WDR20: variants seen among roughly 807,000 people sequenced by gnomAD.
WDR20 encodes the protein WD repeat-containing protein 20.
WDR20 carries 3 observed loss-of-function variants against 38.7 expected under a neutral mutation model. That is an observed-to-expected ratio of 0.08 (90% CI 0.04 to 0.20). The LOEUF (loss-of-function observed/expected upper bound fraction) is 0.20. Ranked by LOEUF, WDR20 falls within the 10% of genes least tolerant of loss-of-function variation. The pLI is 1.00. For synonymous variants in WDR20, 298 were observed against 285.6 expected, an observed-to-expected ratio of 1.04 and a Z score of -0.44; for missense variants, 559 against 727.7, an observed-to-expected ratio of 0.77 and a Z score of 2.67.
At chr14:102,165,149 G>A (rs2059504848) in intron 1 of WDR20, among the ~76,000 whole-genome samples, 1 of 151,970 alleles carries the variant, frequency 6.6e-6, no homozygotes, top group Admixed American at 6.6e-5. Context: ...TGGAACTGTG[G>A]CTCTCCCCTC....
rs746069335 is a variant in WDR20 at position 102,209,950 on chromosome 14, A to C, written c.*70A>C. On this transcript the variant is annotated 3_prime_UTR_variant, in exon 3 of 3. Transcript: ENST00000342702. The surrounding 1 kb of genome is among the most constrained non-coding windows in gnomAD (Gnocchi z 6.0). ...TTTTCGTGGGAGGGGTGGGGTGTAC[A>C]ATGAATGTGAATGACACTTCTTATT... The C allele has an allele frequency of 1.5e-4, 233 of 1,506,592 alleles. 1 individual carries two copies. The highest frequency in any genetic ancestry group is 1.7e-4 in the Non-Finnish European group (198 of 1,136,282). The allele number at this position is 1,506,592 out of a possible 1,614,324, so 93.3% of individuals were successfully genotyped here.
chr14:102,148,409 G>A (rs1320134312), intron 1 of WDR20, among the ~76,000 whole-genome samples: 1 of 151,944 alleles, frequency 6.6e-6, no homozygotes, highest in South Asian at 2.1e-4. Context: ...GTGTGGTGGT[G>A]CACGCCTGTG....
In WDR20 at chr14:102,208,574, T is replaced by G. The variant is rs767678839; in HGVS notation, c.433-29T>G. ...GTAGACCTTTGAGACTTCTCCGTTG[T>G]GCTAACTTGTTCTCCTTTGTCTTCA... On this transcript the variant is annotated intron_variant, in intron 2 of 2. Transcript: ENST00000342702. The surrounding 1 kb of genome is among the most constrained non-coding windows in gnomAD (Gnocchi z 5.6). 7 of 1,570,480 alleles carry G rather than the reference T, an allele frequency of 4.5e-6. No individual in the cohort carries two copies. The highest frequency in any genetic ancestry group is 6.1e-6 in the Non-Finnish European group (7 of 1,155,440).
At position 102,208,782 on chromosome 14, in the gene WDR20, C is replaced by G. The variant is rs765466160; in HGVS notation, c.612C>G (p.Cys204Trp). The change falls in exon 3 of 3, where the codon TGC becomes TGG. Residue 204 changes from cysteine to tryptophan, a missense_variant. Coordinates refer to ENST00000342702, the MANE Select transcript of WDR20 (RefSeq NM_144574.4). This position sits in a 1 kb window ranked among gnomAD's most constrained non-coding sequence, Gnocchi z 5.6. Reference protein sequence around the residue: ...KQGESFAVHTCKSKSTRNPLL... With the variant: ...KQGESFAVHTWKSKSTRNPLL... The stretch of plus-strand genomic sequence containing the variant: ...GAGAGAGCTTTGCCGTGCACACTTG[C>G]AAGAGCAAATCCACGAGGAACCCTC... 5.0e-6 allele frequency: 8 copies of G among 1,614,130 alleles called. No homozygotes were observed. The South Asian group carries it at 6.6e-5, about 13-fold the overall frequency.
chr14:102,190,888 C>G (rs1046257134), intron 1 of WDR20, among the ~76,000 whole-genome samples: 1 of 151,872 alleles, frequency 6.6e-6, no homozygotes, highest in Non-Finnish European at 1.5e-5. Flanking sequence ...GTAATCCCAG[C>G]TGCTGAGGAG....
intron 2 of WDR20, among the ~76,000 whole-genome samples, chr14:102,199,898 A>AAAGCAT (rs1416147562): frequency 6.6e-6 from 1 of 152,254 alleles, no homozygotes; most frequent in African/African-American, 2.4e-5. Flanking sequence ...AGAAGGTAGG[A>AAAGCAT]AAGCATCACC....
At chr14:102,204,851 G>GCA (rs1308288929) in intron 2 of WDR20, among the ~76,000 whole-genome samples, 1 of 152,216 alleles carries the variant, frequency 6.6e-6, no homozygotes, top group Non-Finnish European at 1.5e-5. Flanking sequence ...CATCAGTGGG[G>GCA]CACTTCCACA....
intron 1 of WDR20, among the ~76,000 whole-genome samples, chr14:102,186,151 T>C (rs1415050214): frequency 6.6e-6 from 1 of 152,260 alleles, no homozygotes; most frequent in Non-Finnish European, 1.5e-5. Context: ...TTAGGCTCTT[T>C]ACATACTGTT....
At chr14:102,188,397 G>T (rs570174918) in intron 1 of WDR20, among the ~76,000 whole-genome samples, 1 of 152,296 alleles carries the variant, frequency 6.6e-6, no homozygotes, top group East Asian at 1.9e-4. Flanking sequence ...CCACTCAGCA[G>T]CATTCCTGAG....
intron 1 of WDR20, among the ~76,000 whole-genome samples, chr14:102,145,171 T>G (rs1049522235): frequency 6.6e-6 from 1 of 152,208 alleles, no homozygotes; most frequent in African/African-American, 2.4e-5. Context: ...TGTGTACTTG[T>G]TGAGTGAATG....
At chr14:102,152,837 T>G (rs1484887391) in intron 1 of WDR20, among the ~76,000 whole-genome samples, 1 of 152,206 alleles carries the variant, frequency 6.6e-6, no homozygotes, top group African/African-American at 2.4e-5. Context: ...ATAAAACTAA[T>G]AAGCCATTGT....
chr14:102,181,102 A>G (rs1304911491), intron 1 of WDR20, among the ~76,000 whole-genome samples: 2 of 152,086 alleles, frequency 1.3e-5, no homozygotes, highest in East Asian at 3.8e-4. Flanking sequence ...TGTCTCCTGA[A>G]GAAGGCTGGC....
chr14:102,150,435 T>G (rs1227041069), intron 1 of WDR20, among the ~76,000 whole-genome samples: 1 of 152,164 alleles, frequency 6.6e-6, no homozygotes, highest in Admixed American at 6.5e-5. Flanking sequence ...ATTGAGCCAC[T>G]GCACTCCAGC....
At chr14:102,192,155 A>T (rs1160426790) in intron 1 of WDR20, among the ~76,000 whole-genome samples, 7 of 152,080 alleles carry the variant, frequency 4.6e-5, no homozygotes, top group Non-Finnish European at 1.0e-4. Context: ...TAGAATAAAC[A>T]GGATATTTTT....
At chr14:102,162,264 C>T (rs1243665797) in intron 1 of WDR20, among the ~76,000 whole-genome samples, 1 of 152,138 alleles carries the variant, frequency 6.6e-6, no homozygotes, top group Non-Finnish European at 1.5e-5. Flanking sequence ...ATTGAGTGCA[C>T]CTTTGACTGC....
At chr14:102,224,037 ATTTTTTT>A (rs533802492), downstream of WDR20, among the ~76,000 whole-genome samples, 2 of 123,124 alleles carry the variant, frequency 1.6e-5, no homozygotes, top group South Asian at 2.7e-4. Context: ...TTTACCTGAG[ATTTTTTT>A]TTTTTTTTTT....
At position 102,209,194 on chromosome 14, in the gene WDR20, A is replaced by G; in HGVS notation, c.1024A>G (p.Arg342Gly). Residue 342 changes from arginine (R) to glycine (G), a missense_variant, in exon 3 of 3, where the codon AGA becomes GGA. Transcript: ENST00000342702. This position sits in a 1 kb window ranked among gnomAD's most constrained non-coding sequence, Gnocchi z 6.0. The part of the protein sequence containing the change: ...EDFQDLLHFG[R>G]DRANSTQSRL... ...CTTCCAAGACCTTCTTCATTTTGGC[A>G]GAGATCGAGCAAATAGTACACAGTC... The G allele has an allele frequency of 6.2e-7, 1 of 1,614,176 alleles. No individual in the cohort carries two copies. The highest frequency in any genetic ancestry group is 8.5e-7 in the Non-Finnish European group (1 of 1,180,044).
chr14:102,206,796 A>G (rs1306851237), intron 2 of WDR20, among the ~76,000 whole-genome samples: 4 of 152,196 alleles, frequency 2.6e-5, no homozygotes, highest in African/African-American at 7.2e-5. Context: ...CAGTGGGCAC[A>G]GCAAGGTCTG....
chr14:102,159,482 C>A (rs2058176725), intron 1 of WDR20, among the ~76,000 whole-genome samples: 1 of 152,176 alleles, frequency 6.6e-6, no homozygotes, highest in Admixed American at 6.5e-5. Flanking sequence ...CAGGTACACA[C>A]TAAAGTTGAA....
Sources: allele counts gnomAD v4.1 joint callset (sites outside exome capture counted in the v4.1 genomes callset), GRCh38; gene constraint gnomAD v4.1.1; non-coding constraint Gnocchi (gnomAD v3.1); transcripts MANE v1.5; gene names NCBI Gene and HGNC (gene_info 2026-07-23, HGNC 2026-07-21).